The following SLC25A15 variants were observed in gnomAD, a reference collection of about 807,000 sequenced individuals.
SLC25A15 encodes solute carrier family 25 member 15.
SLC25A15 carries 24 observed loss-of-function variants against 32.3 expected under a neutral mutation model. That is an observed-to-expected ratio of 0.74 (90% CI 0.54 to 1.04). The LOEUF (loss-of-function observed/expected upper bound fraction) is 1.04, where lower values mean the gene tolerates loss of function less well. Among genes scored for constraint, SLC25A15 ranks in the 50% least tolerant of loss-of-function variants. The pLI is 0.00. For missense variants in SLC25A15, 317 were observed against 374.5 expected (o/e 0.85, Z 1.27); for synonymous variants, 132 against 142.1 (o/e 0.93, Z 0.51).
chr13:40,790,665 G>A (rs1265009458), intron 1 of SLC25A15, among the ~76,000 whole-genome samples: 3 of 152,154 alleles, frequency 2.0e-5, no homozygotes, highest in Admixed American at 1.3e-4. Context: ...TCGGCTCACC[G>A]CAACCTCCGC....
chr13:40,805,094 A>G lies in SLC25A15; in HGVS notation c.315-24A>G, dbSNP rs1393510160. 7 of 1,613,788 alleles carry G rather than the reference A, an allele frequency of 4.3e-6. No individual in the cohort carries two copies. In the South Asian group the frequency reaches 7.7e-5, roughly 18 times the overall value. ...CAAAGGAATGAAGAAACTGAGGGGT[A>G]ACTGTCTGCTTGTGTGCTTTCAGTG... On this transcript the variant is annotated intron_variant, in intron 3 of 6. Coordinates refer to ENST00000338625, the MANE Select transcript of SLC25A15 (RefSeq NM_014252.4).
chr13:40,798,227 C>T (rs1881733784), intron 2 of SLC25A15, among the ~76,000 whole-genome samples: 1 of 149,478 alleles, frequency 6.7e-6, no homozygotes, highest in Admixed American at 6.8e-5. Context: ...TTGCAGTGAG[C>T]TGAGATTGCA....
chr13:40,796,566 T>C (rs899174560), intron 2 of SLC25A15, among the ~76,000 whole-genome samples: 11 of 152,244 alleles, frequency 7.2e-5, no homozygotes, highest in African/African-American at 2.7e-4. Flanking sequence ...GTTTATCTTC[T>C]CAAATGCCAA....
chr13:40,790,141 C>T (rs1246155432), intron 1 of SLC25A15, among the ~76,000 whole-genome samples: 5 of 152,230 alleles, frequency 3.3e-5, no homozygotes, highest in Non-Finnish European at 1.5e-5. Flanking sequence ...CACGCTTTAC[C>T]TAAAGCCCGG....
intron 3 of SLC25A15, among the ~76,000 whole-genome samples, chr13:40,800,542 A>G (rs1298540383): frequency 6.6e-6 from 1 of 152,186 alleles, no homozygotes; most frequent in Non-Finnish European, 1.5e-5. Context: ...TTCCTTAGCA[A>G]AGGACAAAAT....
chr13:40,794,169 C>T (rs768710215), intron 2 of SLC25A15, among the ~76,000 whole-genome samples: 43 of 152,132 alleles, frequency 2.8e-4, no homozygotes, highest in Admixed American at 7.9e-4. Context: ...GGAGAAACCC[C>T]GTCTCTTCTA....
chr13:40,796,633 C>A (rs1005231058), intron 2 of SLC25A15, among the ~76,000 whole-genome samples: 52 of 152,310 alleles, frequency 3.4e-4, no homozygotes, highest in African/African-American at 1.1e-3. Flanking sequence ...TGATATTCTT[C>A]CCTGCCCTGT....
rs1480063127 is a variant in SLC25A15 at position 40,807,355 on chromosome 13, G to T, written c.514G>T (p.Gly172Ter). 11 of 1,613,936 alleles carry T rather than the reference G, an allele frequency of 6.8e-6. No homozygotes were observed. Among genetic ancestry groups the T allele is most frequent in the Non-Finnish European group, 9.3e-6 (11 of 1,179,966 alleles). ...AGATGGCCCCTTGGGGTTCTACCAT[G>T]GACTCTCAAGCACTTTACTTCGAGA... ...RKDGPLGFYHGLSSTLLREVP... is the reference protein window; with the variant it reads ...RKDGPLGFYH Residue 172 changes from glycine (G) to a stop codon, truncating the protein, a stop_gained, in exon 5 of 7, where the codon GGA becomes TGA. Transcript: ENST00000338625. LOFTEE classifies it high-confidence loss of function.
chr13:40,798,140 C>T lies in SLC25A15; in HGVS notation c.56-917C>T, dbSNP rs550314422. Among the ~76,000 whole-genome samples the T allele has an allele frequency of 7.9e-5, 12 of 152,108 alleles. No individual in the cohort carries two copies. In the South Asian group the frequency reaches 1.2e-3, roughly 16 times the overall value. ...ATGAAAAGTACAAAAATTAGCCAGG[C>T]GTGGTGGTGGGTGCCTGTAATCCCA... On this transcript the variant is annotated intron_variant, in intron 2 of 6. Transcript: ENST00000338625.
At chr13:40,793,134 T>C in intron 1 of SLC25A15, 24 bp from the exon 2 acceptor site, 3 of 1,267,762 alleles carry the variant, frequency 2.4e-6, no homozygotes, top group South Asian at 2.5e-5. Flanking sequence ...CTTGGACTAA[T>C]GGTGAACTCT....
chr13:40,812,186 G>A lies in SLC25A15; in HGVS notation c.*2519G>A, dbSNP rs1423862916. Among the ~76,000 whole-genome samples, 2 of 152,142 alleles carry A rather than the reference G, an allele frequency of 1.3e-5. No individual in the cohort carries two copies. The highest frequency in any genetic ancestry group is 2.9e-5 in the Non-Finnish European group (2 of 68,028). Reference sequence around the variant, plus strand: ...GCCCACAGTCCCCTGCTCAGTGTCCGGAAAGAAGTCAGTCATCCCTGTTGG... The same window carrying A: ...GCCCACAGTCCCCTGCTCAGTGTCCAGAAAGAAGTCAGTCATCCCTGTTGG... On this transcript the variant is annotated 3_prime_UTR_variant, in exon 7 of 7. Coordinates refer to ENST00000338625, the MANE Select transcript of SLC25A15 (RefSeq NM_014252.4).
intron 2 of SLC25A15, 81 bp downstream of exon 2, chr13:40,793,362 C>T: frequency 8.5e-7 from 1 of 1,175,212 alleles, no homozygotes; most frequent in South Asian, 1.3e-5. Context: ...ATTATACTAC[C>T]ATATTTTTAC....
At chr13:40,799,027 T>A (rs1566121175) in intron 2 of SLC25A15, 30 bp from the exon 3 acceptor site, 4 of 1,614,204 alleles carry the variant, frequency 2.5e-6, no homozygotes, top group Non-Finnish European at 2.5e-6. Context: ...TGTAGCCTCG[T>A]ACTAGAGCAG....
intron 3 of SLC25A15, among the ~76,000 whole-genome samples, chr13:40,803,480 C>T (rs755175937): frequency 5.3e-5 from 8 of 152,226 alleles, no homozygotes; most frequent in Admixed American, 1.3e-4. Flanking sequence ...TGAGCCACCA[C>T]GCCTGGCCTC....
At chr13:40,797,854 G>T (rs936501880) in intron 2 of SLC25A15, among the ~76,000 whole-genome samples, 16 of 152,170 alleles carry the variant, frequency 1.1e-4, no homozygotes, top group African/African-American at 3.6e-4. Context: ...AGCTTTAAGA[G>T]CTCCTCTCAG....
intron 2 of SLC25A15, among the ~76,000 whole-genome samples, chr13:40,797,333 G>A (rs1881699237): frequency 6.6e-6 from 1 of 152,164 alleles, no homozygotes; most frequent in Admixed American, 6.5e-5. Flanking sequence ...AAATATGAAT[G>A]TGCTGAATTA....
rs2138062143 is a variant in SLC25A15, at chr13:40,811,481, T to G, written c.*1814T>G. Among the ~76,000 whole-genome samples, 1 of 151,642 alleles carries G rather than the reference T, an allele frequency of 6.6e-6. No homozygotes were observed. Among genetic ancestry groups the G allele is most frequent in the South Asian group, 2.1e-4 (1 of 4,752 alleles). On this transcript the variant is annotated 3_prime_UTR_variant, in exon 7 of 7. Transcript: ENST00000338625. The stretch of plus-strand genomic sequence containing the variant: ...TCCAGACTGGGTGACACAGCGAGAC[T>G]TCATCTCAAAAAAAAAAAGAAAAGA...
At chr13:40,803,038 C>G (rs1016878823) in intron 3 of SLC25A15, among the ~76,000 whole-genome samples, 1 of 152,060 alleles carries the variant, frequency 6.6e-6, no homozygotes, top group Non-Finnish European at 1.5e-5. Flanking sequence ...GAATGGGTGT[C>G]AGGGAACCAG....
chr13:40,803,680 T>G (rs1049647077), intron 3 of SLC25A15, among the ~76,000 whole-genome samples: 1 of 152,258 alleles, frequency 6.6e-6, no homozygotes, highest in Admixed American at 6.5e-5. Flanking sequence ...TTGTACTGGC[T>G]TCACCCACTC....
Sources: allele counts gnomAD v4.1 joint callset (sites outside exome capture counted in the v4.1 genomes callset), GRCh38; gene constraint gnomAD v4.1.1; transcripts MANE v1.5; gene names NCBI Gene and HGNC (gene_info 2026-07-23, HGNC 2026-07-21).